Variants in SNTG2 observed in about 807,000 individuals in gnomAD.
SNTG2 encodes the protein gamma-2-syntrophin.
In SNTG2, 74 loss-of-function variants were observed where a neutral mutation model predicts 70.9. The observed-to-expected ratio is 1.04, with a 90% CI of 0.86 to 1.27. The LOEUF is 1.27. SNTG2 is among the 50% of genes most tolerant of loss of function. The pLI, the probability that SNTG2 is intolerant of heterozygous loss-of-function variation, is 0.00. For missense variants in SNTG2, 717 were observed against 690.7 expected (o/e 1.04, Z -0.43); for synonymous variants, 278 against 273.8 (o/e 1.02, Z -0.15).
chr2:1,236,580 G>C (rs900012778), intron 9 of SNTG2, among the ~76,000 whole-genome samples: 13 of 152,242 alleles, frequency 8.5e-5, no homozygotes, highest in African/African-American at 3.1e-4. Context: ...TCAGCCACAA[G>C]TAGATAAACC....
chr2:1,197,515 A>ATGTGTGTGTGTG (rs71299845), intron 8 of SNTG2, among the ~76,000 whole-genome samples: 6 of 128,380 alleles, frequency 4.7e-5, no homozygotes, highest in South Asian at 2.8e-4. Flanking sequence ...ATGTATATAT[A>ATGTGTGTGTGTG]TGTGTGTGTG....
intron 8 of SNTG2, among the ~76,000 whole-genome samples, chr2:1,204,594 C>G (rs1026958044): frequency 6.6e-6 from 1 of 152,218 alleles, no homozygotes. Context: ...TGTGCACACA[C>G]TGCTCCATCC....
chr2:1,316,050 G>A (rs1324716260), intron 15 of SNTG2, among the ~76,000 whole-genome samples: 1 of 152,184 alleles, frequency 6.6e-6, no homozygotes, highest in African/African-American at 2.4e-5. Context: ...AGGCTGGACT[G>A]TGGGGCGGGA....
chr2:1,269,942 C>T, intron 14 of SNTG2, among the ~76,000 whole-genome samples: 1 of 152,208 alleles, frequency 6.6e-6, no homozygotes, highest in South Asian at 2.1e-4. Flanking sequence ...GCCGTGATGA[C>T]CACTGTTGGG....
At chr2:1,140,874 G>A (rs575924271) in intron 6 of SNTG2, among the ~76,000 whole-genome samples, 5 of 152,234 alleles carry the variant, frequency 3.3e-5, no homozygotes, top group South Asian at 4.1e-4. Flanking sequence ...CACCTTTCAC[G>A]GAGCTACCCT....
intron 1 of SNTG2, among the ~76,000 whole-genome samples, chr2:1,031,508 TTATA>T (rs1316440220): frequency 0.022 from 1,281 of 57,714 alleles, 63 homozygotes; most frequent in Middle Eastern, 0.055. Context: ...TAGTTCATTG[TTATA>T]TATATATATA....
chr2:1,076,112 A>G (rs150631115), intron 1 of SNTG2, among the ~76,000 whole-genome samples: 1 of 152,302 alleles, frequency 6.6e-6, no homozygotes, highest in East Asian at 1.9e-4. Context: ...AAAATCTTCA[A>G]TGCCAGTTAT....
chr2:1,150,583 G>A (rs191436285), intron 6 of SNTG2, among the ~76,000 whole-genome samples: 9 of 152,242 alleles, frequency 5.9e-5, no homozygotes, highest in Admixed American at 2.0e-4. Flanking sequence ...GGGAGGAGAT[G>A]TTTTTCTGTT....
At chr2:1,355,796 C>T (rs1226666530) in intron 16 of SNTG2, among the ~76,000 whole-genome samples, 3 of 152,126 alleles carry the variant, frequency 2.0e-5, no homozygotes, top group Non-Finnish European at 2.9e-5. Context: ...TTTACCTTTC[C>T]ACCCACAATG....
chr2:1,321,458 G>A (rs1386757650), intron 16 of SNTG2, among the ~76,000 whole-genome samples: 1 of 152,200 alleles, frequency 6.6e-6, no homozygotes, highest in Non-Finnish European at 1.5e-5. Context: ...GTGGGCACCT[G>A]AGTGTTTAGG....
intron 16 of SNTG2, among the ~76,000 whole-genome samples, chr2:1,322,095 C>G (rs1482450674): frequency 6.6e-6 from 1 of 152,118 alleles, no homozygotes. Flanking sequence ...GGTTTTAAGT[C>G]TCTCAATAGC....
At chr2:1,155,139 CAG>C (rs1237905976) in intron 6 of SNTG2, among the ~76,000 whole-genome samples, 2 of 134,704 alleles carry the variant, frequency 1.5e-5, no homozygotes, top group Admixed American at 1.5e-4. Context: ...CACAAACACA[CAG>C]ACACACTCCA....
At chr2:1,255,867 TATATAA>T (rs1678049674) in intron 12 of SNTG2, among the ~76,000 whole-genome samples, 3 of 74,436 alleles carry the variant, frequency 4.0e-5, no homozygotes, top group African/African-American at 1.7e-4. Flanking sequence ...TATATAAATA[TATATAA>T]ATATATATAT....
At chr2:1,264,870 C>T (rs1349526672) in intron 13 of SNTG2, among the ~76,000 whole-genome samples, 1 of 152,148 alleles carries the variant, frequency 6.6e-6, no homozygotes, top group Non-Finnish European at 1.5e-5. Flanking sequence ...TTCACTTATT[C>T]TATTCTAAGA....
At chr2:1,180,611 C>T (rs1274926545) in intron 8 of SNTG2, among the ~76,000 whole-genome samples, 1 of 148,142 alleles carries the variant, frequency 6.8e-6, no homozygotes, top group African/African-American at 2.5e-5. Context: ...CACTTTTACA[C>T]TGTTGATGGG....
At chr2:1,323,468 CCAG>C (rs1324249138) in intron 16 of SNTG2, among the ~76,000 whole-genome samples, 1 of 115,450 alleles carries the variant, frequency 8.7e-6, no homozygotes, top group African/African-American at 3.0e-5. Context: ...CTGAGACCCC[CCAG>C]TAGACTAGGA....
At chr2:1,019,583 A>G (rs1434278137) in intron 1 of SNTG2, among the ~76,000 whole-genome samples, 1 of 152,192 alleles carries the variant, frequency 6.6e-6, no homozygotes, top group Non-Finnish European at 1.5e-5. Context: ...AAGAAAGGAA[A>G]TGGAAATTCA....
rs548345933 is a variant in SNTG2 at position 1,321,515 on chromosome 2, T to C, written c.1488+5140T>C. Among the ~76,000 whole-genome samples, 29 of 152,266 alleles carry C rather than the reference T, an allele frequency of 1.9e-4. No individual in the cohort carries two copies. The Middle Eastern group carries it at 0.024, about 125-fold the overall frequency. On this transcript the variant is annotated intron_variant, in intron 16 of 16. Transcript: ENST00000308624. Reference sequence around the variant, plus strand: ...CAGAAGGAAATTGGGGTGTTTCTGATACTGAGACCTGGCTGCTGAGTTTTC... The same window carrying C: ...CAGAAGGAAATTGGGGTGTTTCTGACACTGAGACCTGGCTGCTGAGTTTTC...
Position 1,209,066 on chromosome 2 carries a change from G to A in SNTG2, c.592-37G>A, listed in dbSNP as rs759341479. ...CCTCTCCCCGCATGCAGCCTCCTCT[G>A]CCTCTGTGACGCTTCATTCTCCTTT... On this transcript the variant is annotated intron_variant, in intron 8 of 16. Coordinates refer to ENST00000308624, the MANE Select transcript of SNTG2 (RefSeq NM_018968.4). 8.1e-6 allele frequency: 13 copies of A among 1,609,856 alleles called. No homozygotes were observed. In the South Asian group the frequency reaches 9.9e-5, roughly 12 times the overall value.
Sources: allele counts gnomAD v4.1 joint callset (sites outside exome capture counted in the v4.1 genomes callset), GRCh38; gene constraint gnomAD v4.1.1; transcripts MANE v1.5; gene names NCBI Gene and HGNC (gene_info 2026-07-23, HGNC 2026-07-21).